The following PHGDH variants were observed in gnomAD, a reference collection of about 807,000 sequenced individuals.
PHGDH encodes the protein phosphoglycerate dehydrogenase.
A neutral mutation model predicts 52.6 loss-of-function variants in PHGDH; 50 were observed. The observed-to-expected ratio is 0.95, with a 90% CI of 0.76 to 1.20. The LOEUF (loss-of-function observed/expected upper bound fraction) is 1.20. Ranked by LOEUF, PHGDH falls within the 50% of genes most tolerant of loss-of-function variation. The pLI is 0.00. For synonymous variants in PHGDH, 271 were observed against 280.5 expected (o/e 0.97, Z 0.34); for missense variants, 630 against 684.6 (o/e 0.92, Z 0.89).
chr1:119,731,332 G>T (rs960209858), intron 5 of PHGDH, among the ~76,000 whole-genome samples: 1 of 152,172 alleles, frequency 6.6e-6, no homozygotes, highest in Admixed American at 6.5e-5. Context: ...TGAATGACAG[G>T]TCGTGACCTC....
chr1:119,743,785 A>C (rs1652318777), intron 11 of PHGDH, 101 bp from the exon 12 acceptor site: 3 of 899,440 alleles, frequency 3.3e-6, no homozygotes, highest in Non-Finnish European at 5.6e-6. Context: ...CGCTCATTGC[A>C]CCTTTGATCA....
In PHGDH at chr1:119,740,358, C is replaced by T. The variant is rs2101215767; in HGVS notation, c.946-28C>T. 3 of 1,613,866 alleles carry T rather than the reference C, an allele frequency of 1.9e-6. No individual in the cohort carries two copies. In the South Asian group the frequency reaches 3.3e-5, roughly 18 times the overall value. On this transcript the variant is annotated intron_variant, in intron 8 of 11. Transcript: ENST00000641023. ...AGGATCTGCCATGCCTCTTCCTGAC[C>T]ACAGCCCCGCTCCTCCATCCTCTGC...
intron 1 of PHGDH, among the ~76,000 whole-genome samples, chr1:119,715,509 A>T (rs1053872133): frequency 6.6e-6 from 1 of 152,236 alleles, no homozygotes; most frequent in Admixed American, 6.5e-5. Flanking sequence ...GCTGGGGAAC[A>T]TGACCTGGAT....
chr1:119,716,945 T>C (rs1187563447), intron 1 of PHGDH, among the ~76,000 whole-genome samples: 1 of 152,164 alleles, frequency 6.6e-6, no homozygotes, highest in Non-Finnish European at 1.5e-5. Context: ...AAAAATATCA[T>C]ATTTAAAAAT....
intron 1 of PHGDH, chr1:119,715,943 G>A (rs968537570): frequency 6.6e-6 from 1 of 152,562 alleles, no homozygotes; most frequent in African/African-American, 2.4e-5. Context: ...CATTTGGTTA[G>A]GGCTGTGGTT....
chr1:119,744,030 T>TC lies in PHGDH; in HGVS notation c.1594dup (p.His532ProfsTer23). On this transcript the variant is annotated frameshift_variant, in exon 12 of 12. Coordinates refer to ENST00000641023, the MANE Select transcript of PHGDH (RefSeq NM_006623.4). LOFTEE classifies it high-confidence loss of function. ...CAGCATGTGACTGAAGCCTTCCAGT[T>TC]CCACTTCTAACCTTGGAGCTCACTG... 1 of 1,614,154 alleles carries TC rather than the reference T, an allele frequency of 6.2e-7. No individual in the cohort carries two copies. Among genetic ancestry groups the TC allele is most frequent in the Admixed American group, 1.7e-5 (1 of 60,024 alleles).
Position 119,726,179 on chromosome 1 carries a change from AGTGTGTGTGTGTGTGT to A in PHGDH, c.357-641_357-626del, listed in dbSNP as rs55671458. On this transcript the variant is annotated intron_variant, in intron 3 of 11. Coordinates refer to ENST00000641023, the MANE Select transcript of PHGDH (RefSeq NM_006623.4). ...TAATAGGAGGAGACAGGCTGTGAAG[AGTGTGTGTGTGTGTGT>A]GTGTGTGTGTGTGTGTGTGTGTGTG... Among the ~76,000 whole-genome samples, 215 of 131,270 alleles carry A rather than the reference AGTGTGTGTGTGTGTGT, an allele frequency of 1.6e-3. 1 individual carries two copies. The highest frequency in any genetic ancestry group is 6.0e-3 in the African/African-American group (202 of 33,762). The allele number at this position is 131,270 out of a possible 152,430, so 86.1% of individuals were successfully genotyped here.
chr1:119,727,344 C>T (rs1651476628), intron 5 of PHGDH: 1 of 551,496 alleles, frequency 1.8e-6, no homozygotes, highest in African/African-American at 1.9e-5. Flanking sequence ...GCCCTGAGTC[C>T]CAGTGAACCA....
chr1:119,737,418 C>A, intron 8 of PHGDH, 152 bp downstream of exon 8: 1 of 709,540 alleles, frequency 1.4e-6, no homozygotes, highest in South Asian at 1.9e-5. Context: ...CTCTCCGGAG[C>A]AGGTGGGCGG....
chr1:119,732,099 T>C (rs1393604348), intron 5 of PHGDH, among the ~76,000 whole-genome samples: 2 of 152,212 alleles, frequency 1.3e-5, no homozygotes, highest in Non-Finnish European at 2.9e-5. Flanking sequence ...AATGCTAAAC[T>C]AAAAATTCAG....
At chr1:119,714,954 C>T (rs1269050655) in intron 1 of PHGDH, among the ~76,000 whole-genome samples, 2 of 152,086 alleles carry the variant, frequency 1.3e-5, no homozygotes, top group Non-Finnish European at 2.9e-5. Flanking sequence ...TTACAATGAA[C>T]CTCAGTCAAA....
At chr1:119,741,470 A>G (rs1353403477) in intron 9 of PHGDH, among the ~76,000 whole-genome samples, 1 of 152,190 alleles carries the variant, frequency 6.6e-6, no homozygotes, top group East Asian at 1.9e-4. Context: ...GGAGAATAAT[A>G]GGTAGGCCAG....
intron 5 of PHGDH, among the ~76,000 whole-genome samples, chr1:119,731,653 TA>T (rs1481420643): frequency 6.6e-6 from 1 of 152,188 alleles, no homozygotes; most frequent in African/African-American, 2.4e-5. Flanking sequence ...GGTTTACAGA[TA>T]AGGAAACTGA....
At chr1:119,743,812 C>T in intron 11 of PHGDH, 74 bp from the exon 12 acceptor site, 1 of 1,160,054 alleles carries the variant, frequency 8.6e-7, no homozygotes, top group Non-Finnish European at 1.3e-6. Context: ...CTTTGAACTT[C>T]TGATTCTGCT....
chr1:119,742,253 C>T (rs1652242668), intron 10 of PHGDH: 2 of 384,804 alleles, frequency 5.2e-6, no homozygotes, highest in South Asian at 4.6e-5. Flanking sequence ...GCCGTAGCAC[C>T]CGGGTTCTTG....
chr1:119,715,887 G>A (rs1326100488), intron 1 of PHGDH: 1 of 152,392 alleles, frequency 6.6e-6, no homozygotes, highest in Non-Finnish European at 1.5e-5. Flanking sequence ...TCTGGACACT[G>A]GAGAAGTTTT....
At chr1:119,743,530 G>A (rs113487304) in intron 11 of PHGDH, among the ~76,000 whole-genome samples, 3 of 152,352 alleles carry the variant, frequency 2.0e-5, no homozygotes, top group Non-Finnish European at 2.9e-5. Context: ...TTTGGCACAC[G>A]TCCATGTTTG....
rs1651161594 is a variant in PHGDH, at chr1:119,721,412, A to G, written c.290+91A>G. On this transcript the variant is annotated intron_variant, in intron 2 of 11. Coordinates refer to ENST00000641023, the MANE Select transcript of PHGDH (RefSeq NM_006623.4). ...GGGAGAAAAAACTCACTTGAGAGAA[A>G]GCTGAGTCCATTGGAAGGGCTTCCA... The G allele has an allele frequency of 5.3e-6, 7 of 1,321,388 alleles. No individual in the cohort carries two copies. In the Admixed American group the frequency reaches 7.8e-5, roughly 15 times the overall value. 81.9% of individuals were successfully genotyped at this position (1,321,388 alleles called of 1,614,324 possible). A position where few individuals can be genotyped will look rare whatever the true frequency, so the allele number is the denominator to read the frequency against.
intron 3 of PHGDH, among the ~76,000 whole-genome samples, chr1:119,726,131 T>G (rs1358243430): frequency 6.6e-6 from 1 of 151,738 alleles, no homozygotes; most frequent in African/African-American, 2.4e-5. Flanking sequence ...AACACAGATG[T>G]AGACTCAGAC....
Sources: allele counts gnomAD v4.1 joint callset (sites outside exome capture counted in the v4.1 genomes callset), GRCh38; gene constraint gnomAD v4.1.1; transcripts MANE v1.5; gene names NCBI Gene and HGNC (gene_info 2026-07-23, HGNC 2026-07-21).